Variants in NSMAF observed in about 807,000 individuals in gnomAD.
NSMAF encodes the protein neutral sphingomyelinase activation associated factor, also known as protein FAN.
In NSMAF, 90 loss-of-function variants were observed where a neutral mutation model predicts 134.9. The ratio of observed to expected loss-of-function variants is 0.67; its 90% CI spans 0.56 to 0.79. The LOEUF is 0.79. Ranked by LOEUF, NSMAF falls within the 30% of genes least tolerant of loss-of-function variation. The pLI, the probability that NSMAF is intolerant of heterozygous loss-of-function variation, is 0.00. For missense variants in NSMAF, 1,010 were observed against 1,119.0 expected (o/e 0.90, Z 1.39); for synonymous variants, 358 against 389.6 (o/e 0.92, Z 0.96).
chr8:58,616,933 A>T (rs1806669640), intron 9 of NSMAF, among the ~76,000 whole-genome samples: 1 of 152,192 alleles, frequency 6.6e-6, no homozygotes, highest in Admixed American at 6.5e-5. Flanking sequence ...TACCAGTAAC[A>T]AATAGTTGGA....
At chr8:58,599,415 C>T (rs1354601960) in intron 18 of NSMAF, 52 bp from the exon 19 acceptor site, 5 of 1,591,962 alleles carry the variant, frequency 3.1e-6, no homozygotes, top group Middle Eastern at 1.7e-4. Context: ...TTTTTTCCTC[C>T]CATTTCTCTT....
chr8:58,597,168 A>T (rs1288604411), intron 21 of NSMAF, among the ~76,000 whole-genome samples: 2 of 152,214 alleles, frequency 1.3e-5, no homozygotes, highest in Non-Finnish European at 2.9e-5. Flanking sequence ...TTCAATTGCC[A>T]GAAAATAAAA....
intron 2 of NSMAF, among the ~76,000 whole-genome samples, chr8:58,641,069 G>A (rs1807324485): frequency 6.6e-6 from 1 of 151,926 alleles, no homozygotes; most frequent in South Asian, 2.1e-4. Context: ...TTACAAGGGT[G>A]CACCACCACG....
chr8:58,618,476 T>A (rs1187191767), intron 9 of NSMAF, among the ~76,000 whole-genome samples: 4 of 152,010 alleles, frequency 2.6e-5, no homozygotes, highest in Non-Finnish European at 5.9e-5. Flanking sequence ...ATGGAGGATA[T>A]CCTTCTAACA....
In NSMAF at chr8:58,623,202, A is replaced by G. The variant is rs1382583773; in HGVS notation, c.557+18T>C. 3 of 1,565,924 alleles carry G rather than the reference A, an allele frequency of 1.9e-6. No individual in the cohort carries two copies. The highest frequency in any genetic ancestry group is 2.6e-6 in the Non-Finnish European group (3 of 1,138,492). On this transcript the variant is annotated intron_variant, in intron 9 of 30. Transcript: ENST00000038176. ...TGTCCACCACTTTTCTAATTAGGAA[A>G]GATCATTAGAAACTTACCTGTTTTT...
At chr8:58,591,544 T>C (rs1806024968) in intron 23 of NSMAF, among the ~76,000 whole-genome samples, 1 of 149,268 alleles carries the variant, frequency 6.7e-6, no homozygotes, top group Non-Finnish European at 1.5e-5. Context: ...TGGAGTGCAT[T>C]GGTGTGATCT....
chr8:58,638,508 G>A (rs10098355), intron 2 of NSMAF, among the ~76,000 whole-genome samples: 7,367 of 152,042 alleles, frequency 0.048, 486 homozygotes, highest in East Asian at 0.23. Context: ...CCACAAAGGT[G>A]CCAAAAACAC....
At chr8:58,622,324 C>A (rs1377569640) in intron 9 of NSMAF, among the ~76,000 whole-genome samples, 1 of 152,046 alleles carries the variant, frequency 6.6e-6, no homozygotes, top group Admixed American at 6.6e-5. Context: ...GCCTCGACCT[C>A]CTGGGCTCAA....
chr8:58,622,031 G>A (rs2129144158), intron 9 of NSMAF, among the ~76,000 whole-genome samples: 1 of 152,268 alleles, frequency 6.6e-6, no homozygotes, highest in East Asian at 1.9e-4. Flanking sequence ...ACTTCGTCAT[G>A]AAATCTTTGC....
intron 20 of NSMAF, 26 bp downstream of exon 20, chr8:58,597,833 AG>A: frequency 6.7e-7 from 1 of 1,485,482 alleles, no homozygotes; most frequent in Non-Finnish European, 9.4e-7. Context: ...TAACTCAAGT[AG>A]AAACTCCTTA....
chr8:58,614,843 C>T (rs1030386970), intron 9 of NSMAF, among the ~76,000 whole-genome samples: 3 of 152,094 alleles, frequency 2.0e-5, no homozygotes, highest in East Asian at 3.9e-4. Context: ...AGGCTTAAAA[C>T]CAGCTAGTGT....
At chr8:58,630,727 C>T (rs2060706282) in intron 6 of NSMAF, among the ~76,000 whole-genome samples, 1 of 152,188 alleles carries the variant, frequency 6.6e-6, no homozygotes, top group African/African-American at 2.4e-5. Context: ...TCTGACTAAT[C>T]AGCACATGCA....
At chr8:58,613,384 C>G (rs926159872) in intron 9 of NSMAF, among the ~76,000 whole-genome samples, 2 of 151,996 alleles carry the variant, frequency 1.3e-5, no homozygotes, top group Non-Finnish European at 2.9e-5. Context: ...TGTAAAGTAG[C>G]ATGAAATGAT....
intron 9 of NSMAF, among the ~76,000 whole-genome samples, chr8:58,618,287 T>C (rs1806709484): frequency 6.6e-6 from 1 of 152,164 alleles, no homozygotes; most frequent in Admixed American, 6.5e-5. Flanking sequence ...TCTGCACATG[T>C]ACCCTAGAAC....
intron 1 of NSMAF, among the ~76,000 whole-genome samples, chr8:58,658,644 T>C (rs981402003): frequency 1.3e-5 from 2 of 152,094 alleles, no homozygotes; most frequent in African/African-American, 4.8e-5. Flanking sequence ...ATCAAAACAG[T>C]GTGTCTGTAA....
In NSMAF at chr8:58,589,459, G is replaced by T; in HGVS notation, c.2204C>A (p.Thr735Lys). The T allele has an allele frequency of 6.6e-7, 1 of 1,508,566 alleles. No homozygotes were observed. Among genetic ancestry groups the T allele is most frequent in the Non-Finnish European group, 8.8e-7 (1 of 1,138,000 alleles). The allele number at this position is 1,508,566 out of a possible 1,614,324, so 93.4% of individuals were successfully genotyped here. The change falls in exon 26 of 31, where the codon ACA becomes AAA. Residue 735 changes from threonine (T) to lysine (K), a missense_variant. By Grantham distance (78) the Thr-to-Lys change is moderately conservative. Transcript: ENST00000038176. ...NRLYSASWDS[T>K]VKVWSGVPAE... ...TTTAAATTATATATGAACCTTCACT[G>T]TAGAGTCCCACGATGCAGAATATAG...
In NSMAF at chr8:58,643,034, A is replaced by C. The variant is rs1434281120; in HGVS notation, c.99T>G (p.Phe33Leu). The C allele has an allele frequency of 1.2e-6, 2 of 1,614,166 alleles. No individual in the cohort carries two copies. The highest frequency in any genetic ancestry group is 2.2e-5 in the East Asian group (1 of 44,874). ...AAATGTGATTGGCTCTATGCTGTTC[A>C]AAGTAGTACTCCTCCAAGTTAAGCA... ...LLLLNLEEYY[F>L]EQHRANHILH... Residue 33 changes from phenylalanine (F) to leucine (L), a missense_variant, in exon 2 of 31, where the codon TTT (phenylalanine) becomes TTG (leucine). By Grantham distance (22) the Phe-to-Leu change is conservative. Coordinates refer to ENST00000038176, the MANE Select transcript of NSMAF (RefSeq NM_003580.4).
At chr8:58,623,859 A>G in intron 6 of NSMAF, 79 bp from the exon 7 acceptor site, 5 of 1,098,658 alleles carry the variant, frequency 4.6e-6, no homozygotes. Flanking sequence ...ACATGTGTAC[A>G]GAACCTGCTA....
intron 9 of NSMAF, among the ~76,000 whole-genome samples, chr8:58,612,389 C>A (rs1172236502): frequency 6.6e-6 from 1 of 152,190 alleles, no homozygotes; most frequent in Non-Finnish European, 1.5e-5. Context: ...TCCACAGGGA[C>A]AGAAGCTCCT....
Sources: allele counts gnomAD v4.1 joint callset (sites outside exome capture counted in the v4.1 genomes callset), GRCh38; gene constraint gnomAD v4.1.1; transcripts MANE v1.5; gene names NCBI Gene and HGNC (gene_info 2026-07-23, HGNC 2026-07-21).